Variants in NELL1 observed in about 807,000 individuals in gnomAD.
NELL1 encodes the protein neural EGFL like 1, also known as protein kinase C-binding protein NELL1.
NELL1 carries 76 observed loss-of-function variants against 107.4 expected under a neutral mutation model. The observed-to-expected ratio is 0.71, with a 90% confidence interval of 0.59 to 0.86. NELL1 has a LOEUF of 0.86. Ranked by LOEUF, NELL1 falls within the 40% of genes least tolerant of loss-of-function variation. The pLI, the probability that NELL1 is intolerant of heterozygous loss-of-function variation, is 0.00. For missense variants in NELL1, 1,024 were observed against 1,005.5 expected, an observed-to-expected ratio of 1.02 and a Z score of -0.25; for synonymous variants, 353 against 341.2, an observed-to-expected ratio of 1.03 and a Z score of -0.38.
At chr11:20,775,986 CCT>C (rs1491367615) in intron 2 of NELL1, among the ~76,000 whole-genome samples, 2 of 152,140 alleles carry the variant, frequency 1.3e-5, no homozygotes, top group Non-Finnish European at 2.9e-5. Context: ...ATTTGGTAAA[CCT>C]TTTTTTCTTA....
At chr11:21,370,996 G>C (rs1395815904) in intron 15 of NELL1, 48 bp downstream of exon 15, 8 of 1,340,522 alleles carry the variant, frequency 6.0e-6, no homozygotes, top group Non-Finnish European at 7.4e-6. Flanking sequence ...TTGGTAGAAA[G>C]ATTGATTCAG....
At chr11:21,152,956 T>A (rs1022644637) in intron 13 of NELL1, among the ~76,000 whole-genome samples, 1 of 152,150 alleles carries the variant, frequency 6.6e-6, no homozygotes, top group Non-Finnish European at 1.5e-5. Flanking sequence ...TATTCTAGAT[T>A]TGTTTTCTAT....
chr11:21,378,338 C>CT (rs751552076), intron 15 of NELL1, among the ~76,000 whole-genome samples: 9 of 150,630 alleles, frequency 6.0e-5, no homozygotes, highest in East Asian at 2.0e-4. Context: ...AAATTATAAG[C>CT]TTTTTTTGAC....
At chr11:20,819,226 A>G (rs1857693703) in intron 3 of NELL1, among the ~76,000 whole-genome samples, 1 of 152,184 alleles carries the variant, frequency 6.6e-6, no homozygotes, top group Non-Finnish European at 1.5e-5. Flanking sequence ...CATTGATTCG[A>G]GGCCATGATG....
intron 14 of NELL1, among the ~76,000 whole-genome samples, chr11:21,362,227 C>T (rs1408061416): frequency 6.6e-6 from 1 of 152,208 alleles, no homozygotes; most frequent in Non-Finnish European, 1.5e-5. Context: ...AGAGATGGGA[C>T]TTCCTGAGAG....
chr11:20,684,167 A>G (rs1854252460), intron 2 of NELL1, among the ~76,000 whole-genome samples: 1 of 151,802 alleles, frequency 6.6e-6, no homozygotes, highest in South Asian at 2.1e-4. Context: ...ATACTTTGGG[A>G]GGTTTGAGGC....
intron 13 of NELL1, among the ~76,000 whole-genome samples, chr11:21,209,759 G>A (rs530092007): frequency 7.9e-5 from 12 of 152,056 alleles, no homozygotes; most frequent in Admixed American, 2.0e-4. Flanking sequence ...CACCTAGTCC[G>A]ATAGGAATAT....
intron 15 of NELL1, among the ~76,000 whole-genome samples, chr11:21,442,328 G>T (rs1853305521): frequency 6.6e-6 from 1 of 152,048 alleles, no homozygotes; most frequent in Non-Finnish European, 1.5e-5. Flanking sequence ...ATTGGTTTGT[G>T]TGTATGTTAA....
chr11:21,187,494 T>C (rs889967114), intron 13 of NELL1, among the ~76,000 whole-genome samples: 1 of 151,818 alleles, frequency 6.6e-6, no homozygotes. Context: ...ACATGGCCAT[T>C]CTCAAAGACC....
At chr11:21,004,896 C>T (rs1304747110) in intron 12 of NELL1, among the ~76,000 whole-genome samples, 1 of 152,074 alleles carries the variant, frequency 6.6e-6, no homozygotes, top group Non-Finnish European at 1.5e-5. Flanking sequence ...ACCATAGCTA[C>T]CTTTGTGGAA....
chr11:20,924,906 A>G (rs1418077294), intron 7 of NELL1, among the ~76,000 whole-genome samples: 2 of 152,192 alleles, frequency 1.3e-5, no homozygotes, highest in Admixed American at 6.5e-5. Context: ...TGGACCAACA[A>G]TACTCAGAAA....
chr11:21,169,208 T>C (rs750174083), intron 13 of NELL1, among the ~76,000 whole-genome samples: 3 of 151,792 alleles, frequency 2.0e-5, no homozygotes, highest in Non-Finnish European at 2.9e-5. Flanking sequence ...CCAAGTGAAA[T>C]TTGTTTGTAG....
At chr11:21,108,826 C>T (rs1855034732) in intron 12 of NELL1, among the ~76,000 whole-genome samples, 1 of 152,104 alleles carries the variant, frequency 6.6e-6, no homozygotes, top group Non-Finnish European at 1.5e-5. Flanking sequence ...GCCATTTTAA[C>T]AGAGAATGTA....
In NELL1 at chr11:21,445,273, T is replaced by G. The variant is rs144476097; in HGVS notation, c.1645+74325T>G. On this transcript the variant is annotated intron_variant, in intron 15 of 19. Transcript: ENST00000357134. ...ACTTACTGCTATACCAGTGAGTTGG[T>G]TTTTTTTGTTTGTTTTGTTTTGTTT... Among the ~76,000 whole-genome samples, 461 of 151,924 alleles carry G rather than the reference T, an allele frequency of 3.0e-3. 3 individuals carry two copies. The highest frequency in any genetic ancestry group is 0.01 in the African/African-American group (427 of 41,438).
intron 12 of NELL1, among the ~76,000 whole-genome samples, chr11:21,080,016 A>G (rs1854228618): frequency 1.3e-5 from 2 of 152,074 alleles, no homozygotes; most frequent in Admixed American, 1.3e-4. Flanking sequence ...GTGATTCATT[A>G]CTACATTAAA....
At chr11:21,111,732 G>A (rs1855112452) in intron 12 of NELL1, among the ~76,000 whole-genome samples, 1 of 152,026 alleles carries the variant, frequency 6.6e-6, no homozygotes, top group Non-Finnish European at 1.5e-5. Context: ...TCAATCATGA[G>A]ATTAATTTAA....
chr11:21,264,127 C>T (rs1438294981), intron 14 of NELL1, among the ~76,000 whole-genome samples: 1 of 103,924 alleles, frequency 9.6e-6, no homozygotes, highest in African/African-American at 3.5e-5. Context: ...ATCCTTCCCT[C>T]CTTAGGAATA....
chr11:21,470,344 A>G (rs1439305507), intron 15 of NELL1, among the ~76,000 whole-genome samples: 1 of 152,086 alleles, frequency 6.6e-6, no homozygotes, highest in East Asian at 1.9e-4. Context: ...TAGGTTCTCT[A>G]TGATCTGGTC....
At chr11:21,487,266 G>T (rs574689281) in intron 15 of NELL1, among the ~76,000 whole-genome samples, 1 of 152,284 alleles carries the variant, frequency 6.6e-6, no homozygotes, top group East Asian at 1.9e-4. Context: ...ACTAACTGGG[G>T]ATTTCTCAGC....
Sources: allele counts gnomAD v4.1 joint callset (sites outside exome capture counted in the v4.1 genomes callset), GRCh38; gene constraint gnomAD v4.1.1; transcripts MANE v1.5; gene names NCBI Gene and HGNC (gene_info 2026-07-23, HGNC 2026-07-21).